USP15: variants seen among roughly 807,000 people sequenced by gnomAD.
USP15 encodes the protein ubiquitin carboxyl-terminal hydrolase 15.
In USP15, 18 loss-of-function variants were observed where a neutral mutation model predicts 127.1. That is an observed-to-expected ratio of 0.14 (90% CI 0.10 to 0.21). The LOEUF (loss-of-function observed/expected upper bound fraction) is 0.21. Ranked by LOEUF, USP15 falls within the 10% of genes least tolerant of loss-of-function variation. USP15 has a pLI of 1.00. For missense variants in USP15, 805 were observed against 1,159.9 expected, an observed-to-expected ratio of 0.69 and a Z score of 4.44; for synonymous variants, 364 against 393.7, an observed-to-expected ratio of 0.92 and a Z score of 0.89.
At chr12:62,363,244 T>C (rs891768472) in intron 8 of USP15, among the ~76,000 whole-genome samples, 2 of 152,276 alleles carry the variant, frequency 1.3e-5, no homozygotes, top group Admixed American at 6.5e-5. Context: ...TAAGGCATTT[T>C]CTATTACTTA....
At chr12:62,333,060 T>G (rs1441233648) in intron 6 of USP15, among the ~76,000 whole-genome samples, 1 of 152,238 alleles carries the variant, frequency 6.6e-6, no homozygotes, top group South Asian at 2.1e-4. Flanking sequence ...AATCCCTGTT[T>G]GCATTTATAA....
At chr12:62,292,510 T>C (rs2064001917) in intron 1 of USP15, among the ~76,000 whole-genome samples, 1 of 152,200 alleles carries the variant, frequency 6.6e-6, no homozygotes, top group Admixed American at 6.5e-5. Flanking sequence ...TAGCCTGCCC[T>C]CTGGTTTCTT....
chr12:62,327,863 T>G (rs1479698430), intron 6 of USP15: 4 of 243,884 alleles, frequency 1.6e-5, no homozygotes, highest in African/African-American at 7.1e-5. Context: ...TGCCATATAC[T>G]AAAGCATAGA....
chr12:62,323,627 C>G (rs951145247), intron 5 of USP15, among the ~76,000 whole-genome samples: 8 of 152,190 alleles, frequency 5.3e-5, no homozygotes, highest in Non-Finnish European at 1.2e-4. Flanking sequence ...AGCCAGCTCT[C>G]TCTTTCTGTC....
At chr12:62,287,646 C>G (rs1280737006) in intron 1 of USP15, among the ~76,000 whole-genome samples, 2 of 151,952 alleles carry the variant, frequency 1.3e-5, no homozygotes. Context: ...TTTGTGTAGG[C>G]CAGTGAACAG....
At chr12:62,339,313 A>G (rs2065577885) in intron 6 of USP15, among the ~76,000 whole-genome samples, 1 of 152,096 alleles carries the variant, frequency 6.6e-6, no homozygotes, top group Non-Finnish European at 1.5e-5. Flanking sequence ...GCTTTTCTAA[A>G]TATACAATCA....
intron 4 of USP15, 103 bp from the exon 5 acceptor site, chr12:62,321,361 T>G (rs2064980995): frequency 1.5e-6 from 1 of 671,664 alleles, no homozygotes; most frequent in Non-Finnish European, 2.2e-6. Flanking sequence ...GTCTTGATTT[T>G]CTATTAGTAT....
chr12:62,336,967 A>C (rs2065486899), intron 6 of USP15, among the ~76,000 whole-genome samples: 1 of 152,230 alleles, frequency 6.6e-6, no homozygotes, highest in Non-Finnish European at 1.5e-5. Flanking sequence ...AAATCTTTCA[A>C]ATGTAAATTT....
chr12:62,302,790 A>G lies in USP15; in HGVS notation c.218A>G (p.Asp73Gly). ...GPIDNSGLLK[D>G]GDAQSLKEHL... is the part of the protein sequence containing the mutation. ...ATTGAGTTTATTTTTTCTTTTGCAG[A>G]TGGTGATGCCCAGTCACTTAAGGAA... The change falls in exon 3 of 22, where the codon GAT becomes GGT. Residue 73 changes from aspartate (D) to glycine (G), a missense_variant and splice_region_variant. Asp to Gly is a moderately conservative substitution (Grantham distance 94). Around this residue, in one of 11 missense-constraint regions of USP15, gnomAD observed 69 missense variants for 126.4 expected, o/e 0.55. Coordinates refer to ENST00000280377, the MANE Select transcript of USP15 (RefSeq NM_001252078.2). 1.2e-6 allele frequency: 2 copies of G among 1,602,014 alleles called. No individual in the cohort carries two copies. Among genetic ancestry groups the G allele is most frequent in the South Asian group, 2.2e-5 (2 of 89,350 alleles).
intron 1 of USP15, among the ~76,000 whole-genome samples, chr12:62,275,767 T>C (rs1298639357): frequency 6.6e-6 from 1 of 152,124 alleles, no homozygotes. Context: ...TTACTTCCTC[T>C]ACTGATACGT....
rs531542200 is a variant in USP15 at position 62,306,983 on chromosome 12, A to G, written c.348+4063A>G. ...GGTGTCTTCTCAATATGTGGCTTCT[A>G]AGAACAGGAGGGCTTCAAGAAGCTT... is the stretch of plus-strand genomic sequence containing the variant. On this transcript the variant is annotated intron_variant, in intron 3 of 21. Transcript: ENST00000280377. Among the ~76,000 whole-genome samples, 169 of 152,270 alleles carry G rather than the reference A, an allele frequency of 1.1e-3. No homozygotes were observed. The Middle Eastern group carries it at 0.014, about 12-fold the overall frequency.
At chr12:62,322,947 T>C (rs1220406297) in intron 5 of USP15, among the ~76,000 whole-genome samples, 1 of 152,188 alleles carries the variant, frequency 6.6e-6, no homozygotes, top group Non-Finnish European at 1.5e-5. Flanking sequence ...TAAACGTCTT[T>C]GGAGTCCCTG....
chr12:62,380,114 A>G (rs2137562165), intron 8 of USP15, among the ~76,000 whole-genome samples: 1 of 152,108 alleles, frequency 6.6e-6, no homozygotes, highest in East Asian at 1.9e-4. Context: ...AGCTGTTTTT[A>G]TTATTTTCGT....
rs1240849929 is a variant in USP15 at position 62,282,295 on chromosome 12, A to G, written c.90-11884A>G. On this transcript the variant is annotated intron_variant, in intron 1 of 21. Coordinates refer to ENST00000280377, the MANE Select transcript of USP15 (RefSeq NM_001252078.2). ...GTGAGCTGTGATCATGCCCCACTGC[A>G]CTCCAGCCTGGGTGACAGAGCAAGA... 3.3e-5 allele frequency among the ~76,000 whole-genome samples: 5 copies of G among 152,078 alleles called. 1 individual carries two copies. The highest frequency in any genetic ancestry group is 5.9e-5 in the Non-Finnish European group (4 of 68,006).
chr12:62,355,265 AG>A (rs1396136019), intron 7 of USP15, 65 bp from the exon 8 acceptor site: 18 of 1,365,626 alleles, frequency 1.3e-5, no homozygotes, highest in Admixed American at 2.4e-5. Context: ...ATAGGCCTAA[AG>A]TACTCTTTAT....
At chr12:62,287,342 T>C (rs1156826735) in intron 1 of USP15, among the ~76,000 whole-genome samples, 1 of 152,214 alleles carries the variant, frequency 6.6e-6, no homozygotes, top group Non-Finnish European at 1.5e-5. Flanking sequence ...TTTAAAATTT[T>C]TTAAAACGAA....
intron 1 of USP15, among the ~76,000 whole-genome samples, chr12:62,284,645 A>G (rs2063739660): frequency 6.6e-6 from 1 of 152,182 alleles, no homozygotes; most frequent in African/African-American, 2.4e-5. Flanking sequence ...AGTATTACAC[A>G]CATGAGCTTT....
intron 1 of USP15, among the ~76,000 whole-genome samples, chr12:62,269,874 C>A (rs946622502): frequency 2.0e-5 from 3 of 152,112 alleles, no homozygotes; most frequent in African/African-American, 7.2e-5. Context: ...CTGCTATGAA[C>A]ATCCATTACA....
chr12:62,300,284 G>A (rs1179718445), intron 2 of USP15, among the ~76,000 whole-genome samples: 1 of 151,976 alleles, frequency 6.6e-6, no homozygotes, highest in Non-Finnish European at 1.5e-5. Context: ...AGTTTTGGCT[G>A]TTACATTTAC....
Sources: gnomAD v4.1 joint callset for allele counts (sites outside exome capture counted in the v4.1 genomes callset) on GRCh38, gnomAD v4.1.1 for gene constraint, gnomAD v4.1.1 regional missense constraint, MANE v1.5 for transcripts, NCBI Gene and HGNC (gene_info 2026-07-23, HGNC 2026-07-21) for gene names.